Variants in ZC3H3 observed in about 807,000 individuals in gnomAD.
The protein encoded by ZC3H3 is zinc finger CCCH domain-containing protein 3.
In ZC3H3, 36 loss-of-function variants were observed where a neutral mutation model predicts 77.3. The observed-to-expected ratio is 0.47, with a 90% CI of 0.36 to 0.61. ZC3H3 has a LOEUF of 0.61. ZC3H3 is among the 20% of genes least tolerant of loss of function. ZC3H3 has a pLI of 0.00. For missense variants in ZC3H3, 1,331 were observed against 1,312.2 expected (o/e 1.01, Z -0.22); for synonymous variants, 626 against 555.2 (o/e 1.13, Z -1.79).
At chr8:143,444,991 A>G (rs182924824) in intron 9 of ZC3H3, among the ~76,000 whole-genome samples, 1 of 152,360 alleles carries the variant, frequency 6.6e-6, no homozygotes, top group African/African-American at 2.4e-5. Flanking sequence ...TAAAATCTAT[A>G]TAAAATTATA....
rs370087531 is a variant in ZC3H3 at position 143,516,409 on chromosome 8, G to A, written c.1562-8510C>T. Among the ~76,000 whole-genome samples the A allele has an allele frequency of 6.6e-5, 10 of 152,132 alleles. No individual in the cohort carries two copies. The East Asian group carries it at 1.2e-3, about 18-fold the overall frequency. ...TGGCCCCACGCCCTGAGGCTGCTCC[G>A]CAGGGTGGAGAGCAGAGACCTGCTC... On this transcript the variant is annotated intron_variant, in intron 3 of 11. Coordinates refer to ENST00000262577, the MANE Select transcript of ZC3H3 (RefSeq NM_015117.3).
Position 143,437,731 on chromosome 8 carries a change from G to A in ZC3H3, c.*325C>T. 2.3e-6 allele frequency: 1 copy of A among 431,496 alleles called. No individual in the cohort carries two copies. Among genetic ancestry groups the A allele is most frequent in the East Asian group, 4.2e-5 (1 of 24,056 alleles). 26.7% of individuals were successfully genotyped at this position (431,496 alleles called of 1,614,324 possible). On this transcript the variant is annotated 3_prime_UTR_variant, in exon 12 of 12. Coordinates refer to ENST00000262577, the MANE Select transcript of ZC3H3 (RefSeq NM_015117.3). Reference sequence around the variant, plus strand: ...GCCTGGCCAGTGGCCTCTTCACTGGGCCGAAAACCTGGGTGGGGAGGGCTG... The same window carrying A: ...GCCTGGCCAGTGGCCTCTTCACTGGACCGAAAACCTGGGTGGGGAGGGCTG...
chr8:143,528,080 G>A (rs1468391197), intron 3 of ZC3H3, among the ~76,000 whole-genome samples: 1 of 152,186 alleles, frequency 6.6e-6, no homozygotes, highest in African/African-American at 2.4e-5. Context: ...CTCTCGCTGG[G>A]GCCAGGGGAG....
At position 143,536,322 on chromosome 8, in the gene ZC3H3, A is replaced by C. The variant is rs570663725; in HGVS notation, c.1496T>G (p.Val499Gly). 9.3e-6 allele frequency: 15 copies of C among 1,611,840 alleles called. No homozygotes were observed. The South Asian group carries it at 1.7e-4, about 18-fold the overall frequency. ...ACATAGTCGGTGCGTGGTGACCTGT[A>C]CCAGGCCCTTGTTGGGGGTCTTCTT... Reference protein sequence around the residue: ...VLKKTPNKGLVQVTTHRLCRL... With the variant: ...VLKKTPNKGLGQVTTHRLCRL... The change falls in exon 3 of 12, where the codon GTA becomes GGA. Residue 499 changes from valine (V) to glycine (G), a missense_variant. This residue lies in a region of ZC3H3 where 978 missense variants were observed against 915.5 expected (regional missense o/e 1.07). Coordinates refer to ENST00000262577, the MANE Select transcript of ZC3H3 (RefSeq NM_015117.3).
At chr8:143,457,693 C>A (rs1416900041) in intron 9 of ZC3H3, among the ~76,000 whole-genome samples, 1 of 151,924 alleles carries the variant, frequency 6.6e-6, no homozygotes. Flanking sequence ...AGAACAAGAC[C>A]CTGTCTTACA....
At chr8:143,471,272 C>G (rs1820555064) in intron 5 of ZC3H3, among the ~76,000 whole-genome samples, 1 of 152,256 alleles carries the variant, frequency 6.6e-6, no homozygotes, top group African/African-American at 2.4e-5. Context: ...CACATGGAGG[C>G]TGTGCCCTTG....
chr8:143,504,875 G>A (rs1157198928), intron 4 of ZC3H3, among the ~76,000 whole-genome samples: 2 of 152,230 alleles, frequency 1.3e-5, no homozygotes, highest in Non-Finnish European at 2.9e-5. Flanking sequence ...CCCAGGAGCT[G>A]GCAGCTTCAC....
intron 5 of ZC3H3, among the ~76,000 whole-genome samples, chr8:143,473,197 C>G (rs1385106972): frequency 1.3e-5 from 2 of 152,158 alleles, no homozygotes; most frequent in Non-Finnish European, 2.9e-5. Flanking sequence ...CCGCCTGCCC[C>G]CAACCCATCT....
At chr8:143,438,454 T>A (rs12544043) in intron 11 of ZC3H3, among the ~76,000 whole-genome samples, 151,538 of 152,328 alleles carry the variant, frequency 0.99, 75,379 homozygotes, top group East Asian at 1. Flanking sequence ...AGCACCAGAC[T>A]GCCCTGCACG....
At chr8:143,444,562 A>G (rs1819820660) in intron 9 of ZC3H3, among the ~76,000 whole-genome samples, 3 of 152,256 alleles carry the variant, frequency 2.0e-5, no homozygotes, top group African/African-American at 4.8e-5. Flanking sequence ...TTGGTTTAAT[A>G]TTAGAAAATC....
Position 143,460,682 on chromosome 8 carries a change from T to C in ZC3H3, c.2307+5035A>G, listed in dbSNP as rs1820238160. ...ACACGAAGGAACTAACAAAACGCAG[T>C]GCACACACAACGGAATGTTACTCTA... is the stretch of plus-strand genomic sequence containing the variant. On this transcript the variant is annotated intron_variant, in intron 9 of 11. Transcript: ENST00000262577. The surrounding 1 kb of genome is among the most constrained non-coding windows in gnomAD (Gnocchi z 4.0). Among the ~76,000 whole-genome samples, 1 of 152,136 alleles carries C rather than the reference T, an allele frequency of 6.6e-6. No individual in the cohort carries two copies. Among genetic ancestry groups the C allele is most frequent in the Non-Finnish European group, 1.5e-5 (1 of 68,034 alleles).
chr8:143,538,913 T>C lies in ZC3H3; in HGVS notation c.454A>G (p.Thr152Ala). ...CGGGGCCTTTGGTCACTCCAGGGGGTTTCCTCAAATTCTTCCAAAGAGCCC... is the reference window on the plus strand; with the variant it reads ...CGGGGCCTTTGGTCACTCCAGGGGGCTTCCTCAAATTCTTCCAAAGAGCCC... ...QRGSLEEFEE[T>A]PWSDQRPREG... is the part of the protein sequence containing the mutation. The change falls in exon 2 of 12, where the codon ACC becomes GCC. Residue 152 changes from threonine (T) to alanine (A), a missense_variant. This residue lies in a region of ZC3H3 where 978 missense variants were observed against 915.5 expected (regional missense o/e 1.07). Transcript: ENST00000262577. The C allele has an allele frequency of 1.2e-6, 2 of 1,612,874 alleles. No individual in the cohort carries two copies. The highest frequency in any genetic ancestry group is 8.5e-7 in the Non-Finnish European group (1 of 1,179,980).
chr8:143,505,110 T>A (rs1821648017), intron 4 of ZC3H3, among the ~76,000 whole-genome samples: 1 of 152,030 alleles, frequency 6.6e-6, no homozygotes, highest in Non-Finnish European at 1.5e-5. Context: ...CCCTGCCAAC[T>A]CTGACCACCG....
chr8:143,470,032 G>A (rs904432273), intron 5 of ZC3H3, among the ~76,000 whole-genome samples: 3 of 152,236 alleles, frequency 2.0e-5, no homozygotes, highest in Admixed American at 6.5e-5. Context: ...GCACCAGAGA[G>A]CAGCCTCGTC....
At chr8:143,469,262 G>A (rs1199523406) in intron 5 of ZC3H3, among the ~76,000 whole-genome samples, 1 of 152,250 alleles carries the variant, frequency 6.6e-6, no homozygotes, top group Non-Finnish European at 1.5e-5. Context: ...AGACCAGGGG[G>A]TGAATATGGC....
intron 1 of ZC3H3, among the ~76,000 whole-genome samples, chr8:143,540,486 T>TC (rs1822974486): frequency 6.6e-6 from 1 of 152,092 alleles, no homozygotes; most frequent in South Asian, 2.1e-4. Flanking sequence ...TGCCATAGCC[T>TC]CCCAAAGTGC....
intron 9 of ZC3H3, among the ~76,000 whole-genome samples, chr8:143,464,641 C>T (rs1586889629): frequency 6.6e-6 from 1 of 152,302 alleles, no homozygotes; most frequent in South Asian, 2.1e-4. Context: ...GGTGTCCTTG[C>T]GGGTGGGCTG....
intron 3 of ZC3H3, among the ~76,000 whole-genome samples, chr8:143,528,620 G>A (rs1301602352): frequency 2.0e-5 from 3 of 152,214 alleles, no homozygotes; most frequent in Non-Finnish European, 2.9e-5. Context: ...TGCTGCTGCC[G>A]ACCTCCACCG....
chr8:143,476,273 C>G (rs1277578743), intron 4 of ZC3H3, among the ~76,000 whole-genome samples: 2 of 152,206 alleles, frequency 1.3e-5, no homozygotes, highest in African/African-American at 4.8e-5. Context: ...GACAGCCTCA[C>G]AGACCCCGGG....
Sources: gnomAD v4.1 joint callset for allele counts (sites outside exome capture counted in the v4.1 genomes callset) on GRCh38, gnomAD v4.1.1 for gene constraint, gnomAD v4.1.1 regional missense constraint, Gnocchi (gnomAD v3.1) non-coding constraint, MANE v1.5 for transcripts, NCBI Gene and HGNC (gene_info 2026-07-23, HGNC 2026-07-21) for gene names.